GLS: variants seen among roughly 807,000 people sequenced by gnomAD.
The protein encoded by GLS is glutaminase kidney isoform, mitochondrial.
In GLS, 36 loss-of-function variants were observed where a neutral mutation model predicts 86.7. The ratio of observed to expected loss-of-function variants is 0.42; its 90% CI spans 0.32 to 0.55. The LOEUF (loss-of-function observed/expected upper bound fraction) is 0.55, where lower values mean the gene tolerates loss of function less well. GLS is among the 20% of genes least tolerant of loss of function. The pLI, the probability that GLS is intolerant of heterozygous loss-of-function variation, is 0.17. For missense variants in GLS, 528 were observed against 833.4 expected (o/e 0.63, Z 4.51); for synonymous variants, 317 against 305.9 (o/e 1.04, Z -0.38).
intron 9 of GLS, among the ~76,000 whole-genome samples, chr2:190,922,642 A>C (rs563783731): frequency 6.6e-6 from 1 of 152,138 alleles, no homozygotes; most frequent in Non-Finnish European, 1.5e-5. Context: ...TTGAAGAACT[A>C]TGTGTCAGTC....
intron 12 of GLS, among the ~76,000 whole-genome samples, chr2:190,928,479 C>G (rs530811268): frequency 2.6e-5 from 4 of 151,154 alleles, no homozygotes; most frequent in Non-Finnish European, 5.9e-5. Context: ...GGATTACAGG[C>G]GCCTGCCACT....
chr2:190,935,080 C>A lies in GLS; in HGVS notation c.1650+3443C>A, dbSNP rs11547782. 3 of 944,458 alleles carry A rather than the reference C, an allele frequency of 3.2e-6. No homozygotes were observed. In the East Asian group the frequency reaches 3.5e-4, roughly 110 times the overall value. 58.5% of individuals were successfully genotyped at this position (944,458 alleles called of 1,614,324 possible). On this transcript the variant is annotated intron_variant, in intron 14 of 17. Coordinates refer to ENST00000320717, the MANE Select transcript of GLS (RefSeq NM_014905.5). The surrounding 1 kb of genome is among the most constrained non-coding windows in gnomAD (Gnocchi z 4.2). Reference sequence around the variant, plus strand: ...GCATATTTGATTTTCTTTTTTCTTTCTTTTTTTGGCATCATTAACATTTCA... The same window carrying A: ...GCATATTTGATTTTCTTTTTTCTTTATTTTTTTGGCATCATTAACATTTCA...
Position 190,905,374 on chromosome 2 carries a change from A to G in GLS, c.979+207A>G. ...TGGGAAGTGGGCTAGGGAGAACATG[A>G]ACTTCTCTCTTCATAACCACCTTTA... On this transcript the variant is annotated intron_variant, in intron 6 of 17. Transcript: ENST00000320717. The surrounding 1 kb of genome is among the most constrained non-coding windows in gnomAD (Gnocchi z 4.6). The G allele has an allele frequency of 2.3e-6, 1 of 428,800 alleles. No homozygotes were observed. The highest frequency in any genetic ancestry group is 4.1e-6 in the Non-Finnish European group (1 of 241,316). The allele number at this position is 428,800 out of a possible 1,614,324, so 26.6% of individuals were successfully genotyped here.
intron 7 of GLS, among the ~76,000 whole-genome samples, chr2:190,915,466 GATT>G (rs1191091247): frequency 1.3e-5 from 2 of 152,046 alleles, no homozygotes; most frequent in Admixed American, 1.3e-4. Context: ...TACTACAAAT[GATT>G]ATAGCTTTTT....
intron 9 of GLS, among the ~76,000 whole-genome samples, chr2:190,923,400 C>T (rs992191846): frequency 2.0e-5 from 3 of 152,208 alleles, no homozygotes; most frequent in Admixed American, 2.0e-4. Context: ...TGTCTATATA[C>T]TTTTCTAACC....
chr2:190,934,599 C>T, intron 14 of GLS: 1 of 984,042 alleles, frequency 1.0e-6, no homozygotes, highest in Non-Finnish European at 1.2e-6. Context: ...GGAAAAAAGG[C>T]ATTGTGGTTT....
In GLS at chr2:190,964,958, A is replaced by C. The variant is rs1164845107; in HGVS notation, c.*1972A>C. On this transcript the variant is annotated 3_prime_UTR_variant, in exon 18 of 18. Coordinates refer to ENST00000320717, the MANE Select transcript of GLS (RefSeq NM_014905.5). This position sits in a 1 kb window ranked among gnomAD's most constrained non-coding sequence, Gnocchi z 5.2. ...ACAAAGAGAGTTTTCATCTTTTTTC[A>C]GATCAAAACCATTCTGTAAAATCTT... 6.6e-6 allele frequency: 1 copy of C among 152,160 alleles called. No individual in the cohort carries two copies. The highest frequency in any genetic ancestry group is 1.5e-5 in the Non-Finnish European group (1 of 68,016). 9.4% of individuals were successfully genotyped at this position (152,160 alleles called of 1,614,324 possible). A position where few individuals can be genotyped will look rare whatever the true frequency, so the allele number is the denominator to read the frequency against.
At position 190,895,306 on chromosome 2, in the gene GLS, CA is replaced by C. The variant is rs768957905; in HGVS notation, c.483+59del. On this transcript the variant is annotated intron_variant, in intron 2 of 17. Transcript: ENST00000320717. This position sits in a 1 kb window ranked among gnomAD's most constrained non-coding sequence, Gnocchi z 4.2. ...AAAAATCAATAATAATAAATATATA[CA>C]GTATTATTGAAATATAGTCTTAAAG... is the stretch of plus-strand genomic sequence containing the variant. 2 of 699,210 alleles carry C rather than the reference CA, an allele frequency of 2.9e-6. No homozygotes were observed. Among genetic ancestry groups the C allele is most frequent in the African/African-American group, 3.6e-5 (2 of 55,782 alleles). The allele number at this position is 699,210 out of a possible 1,614,324, so 43.3% of individuals were successfully genotyped here. A position where few individuals can be genotyped will look rare whatever the true frequency, so the allele number is the denominator to read the frequency against.
intron 1 of GLS, among the ~76,000 whole-genome samples, chr2:190,889,925 C>T (rs1688507605): frequency 1.3e-5 from 2 of 152,056 alleles, no homozygotes; most frequent in Non-Finnish European, 2.9e-5. Context: ...TCAAGGCAGA[C>T]CAGTTTAGTT....
intron 1 of GLS, among the ~76,000 whole-genome samples, chr2:190,884,184 T>A (rs193040536): frequency 6.6e-6 from 1 of 152,348 alleles, no homozygotes; most frequent in African/African-American, 2.4e-5. Flanking sequence ...GTAAAAACCC[T>A]GAGGCTGAGG....
At chr2:190,932,871 G>T in intron 14 of GLS, 1 of 1,468,058 alleles carries the variant, frequency 6.8e-7, no homozygotes, top group Non-Finnish European at 9.0e-7. Context: ...AAAGAAATGG[G>T]TTCTAGTTTC....
Position 190,947,650 on chromosome 2 carries a change from C to T in GLS, c.1651-5915C>T, listed in dbSNP as rs112871297. On this transcript the variant is annotated intron_variant, in intron 14 of 17. Transcript: ENST00000320717. This position sits in a 1 kb window ranked among gnomAD's most constrained non-coding sequence, Gnocchi z 5.0. ...GAATTATTTATCAAAACATAGCTTCCATGCCTCTGGCATTTACTGTTAACC... is the reference window on the plus strand; with the variant it reads ...GAATTATTTATCAAAACATAGCTTCTATGCCTCTGGCATTTACTGTTAACC... 5.9e-5 allele frequency among the ~76,000 whole-genome samples: 9 copies of T among 152,312 alleles called. No homozygotes were observed. The highest frequency in any genetic ancestry group is 2.2e-4 in the African/African-American group (9 of 41,572).
In GLS at chr2:190,910,292, G is replaced by A. The variant is rs1689310785; in HGVS notation, c.1009G>A (p.Gly337Arg). Residue 337 changes from glycine to arginine, a missense_variant, in exon 7 of 18, where the codon GGA becomes AGA. Coordinates refer to ENST00000320717, the MANE Select transcript of GLS (RefSeq NM_014905.5). ...ACCACATAATCCTATGGTAAATGCTGGAGCAATTGTTGTGACTTCACTAAT... is the reference window on the plus strand; with the variant it reads ...ACCACATAATCCTATGGTAAATGCTAGAGCAATTGTTGTGACTTCACTAAT... The part of the protein sequence containing the change: ...DKPHNPMVNA[G>R]AIVVTSLIKQ... 2 of 1,570,730 alleles carry A rather than the reference G, an allele frequency of 1.3e-6. No individual in the cohort carries two copies. Among genetic ancestry groups the A allele is most frequent in the South Asian group, 1.2e-5 (1 of 86,794 alleles).
At chr2:190,888,564 A>C (rs918000915) in intron 1 of GLS, among the ~76,000 whole-genome samples, 1 of 152,210 alleles carries the variant, frequency 6.6e-6, no homozygotes, top group Non-Finnish European at 1.5e-5. Flanking sequence ...TCTAGTCACT[A>C]CTACAACTTC....
At chr2:190,881,543 G>A (rs979379662) in intron 1 of GLS, 73 bp downstream of exon 1, 4 of 1,372,250 alleles carry the variant, frequency 2.9e-6, no homozygotes, top group South Asian at 2.6e-5. Flanking sequence ...GGGGCCCTGC[G>A]GTGGGGCGGG....
At chr2:190,941,353 CTT>C (rs900880813) in intron 14 of GLS, among the ~76,000 whole-genome samples, 1 of 152,062 alleles carries the variant, frequency 6.6e-6, no homozygotes, top group Non-Finnish European at 1.5e-5. Flanking sequence ...CTATAATAAA[CTT>C]TATGAGACAC....
chr2:190,891,046 T>C (rs2125979224), intron 1 of GLS, among the ~76,000 whole-genome samples: 1 of 152,238 alleles, frequency 6.6e-6, no homozygotes, highest in Non-Finnish European at 1.5e-5. Flanking sequence ...TTTTTTATTT[T>C]CTTCCTTTCA....
At chr2:190,931,434 TGTA>T in intron 13 of GLS, 108 bp from the exon 14 acceptor site, 2 of 494,358 alleles carry the variant, frequency 4.0e-6, no homozygotes, top group Non-Finnish European at 7.3e-6. Flanking sequence ...TTTATTAGCA[TGTA>T]GTGATGATTT....
chr2:190,947,571 C>T lies in GLS; in HGVS notation c.1651-5994C>T, dbSNP rs1690608190. Reference sequence around the variant, plus strand: ...GAGGTATACATTAAACATCAGAGCCCTTAATTTAATAGCTATTATTGCGGC... The same window carrying T: ...GAGGTATACATTAAACATCAGAGCCTTTAATTTAATAGCTATTATTGCGGC... On this transcript the variant is annotated intron_variant, in intron 14 of 17. Transcript: ENST00000320717. This position sits in a 1 kb window ranked among gnomAD's most constrained non-coding sequence, Gnocchi z 5.0. Among the ~76,000 whole-genome samples, 1 of 152,164 alleles carries T rather than the reference C, an allele frequency of 6.6e-6. No individual in the cohort carries two copies. Among genetic ancestry groups the T allele is most frequent in the African/African-American group, 2.4e-5 (1 of 41,430 alleles).
Sources: allele counts gnomAD v4.1 joint callset (sites outside exome capture counted in the v4.1 genomes callset), GRCh38; gene constraint gnomAD v4.1.1; non-coding constraint Gnocchi (gnomAD v3.1); transcripts MANE v1.5; gene names NCBI Gene and HGNC (gene_info 2026-07-23, HGNC 2026-07-21).